The following C10orf143 variants were observed in gnomAD, a reference collection of about 807,000 sequenced individuals.
The protein encoded by C10orf143 is chromosome 10 open reading frame 143, also known as uncharacterized protein C10orf143.
At chr10:130,054,773 CATCT>C (rs1262873361) in intron 3 of C10orf143, among the ~76,000 whole-genome samples, 1 of 152,124 alleles carries the variant, frequency 6.6e-6, no homozygotes, top group Non-Finnish European at 1.5e-5. Context: ...CATATCTTTT[CATCT>C]ATCTGTTAAA....
intron 3 of C10orf143, among the ~76,000 whole-genome samples, chr10:130,075,596 C>CG (rs1212254488): frequency 6.6e-6 from 1 of 152,136 alleles, no homozygotes; most frequent in African/African-American, 2.4e-5. Flanking sequence ...AGAAGCCAAA[C>CG]GGGGGAGCTG....
At chr10:130,101,145 A>AGAGGCAGAGGTTGCAGT (rs1861543010) in intron 1 of C10orf143, 1 of 151,594 alleles carries the variant, frequency 6.6e-6, no homozygotes, top group African/African-American at 2.4e-5. Context: ...CTCGAACCTG[A>AGAGGCAGAGGTTGCAGT]GAGGCAGAGG....
chr10:130,079,608 C>T lies in C10orf143; in HGVS notation c.255G>A (p.Arg85=), dbSNP rs1219328125. 5.0e-6 allele frequency: 2 copies of T among 398,934 alleles called. No homozygotes were observed. Among genetic ancestry groups the T allele is most frequent in the Non-Finnish European group, 8.8e-6 (2 of 226,068 alleles). The allele number at this position is 398,934 out of a possible 1,614,324, so 24.7% of individuals were successfully genotyped here. The change falls in exon 3 of 4, where the codon AGG becomes AGA. Residue 85 remains arginine, a synonymous_variant. Transcript: ENST00000637128. ...LSTGISQNGG[R]SSAQPCPRCI... ...ATCTTGGGCAAGGCTGGGCTGAGCT[C>T]CTTCCACCATTCTGAGAAATCTAGT...
At chr10:130,071,263 TG>T (rs1354348003) in intron 3 of C10orf143, among the ~76,000 whole-genome samples, 12 of 152,326 alleles carry the variant, frequency 7.9e-5, no homozygotes, top group Admixed American at 5.9e-4. Flanking sequence ...TTACCAGAAA[TG>T]CCCACCATAA....
At chr10:130,037,773 C>G (rs958783423) in intron 3 of C10orf143, among the ~76,000 whole-genome samples, 4 of 152,234 alleles carry the variant, frequency 2.6e-5, no homozygotes, top group Non-Finnish European at 4.4e-5. Flanking sequence ...ATGATCCCAG[C>G]TAACCCACTG....
intron 1 of C10orf143, among the ~76,000 whole-genome samples, chr10:130,091,892 G>C (rs12571385): frequency 0.038 from 5,816 of 152,118 alleles, 298 homozygotes; most frequent in East Asian, 0.11. Context: ...AATGAACCAA[G>C]CCTCCAAGAA....
At chr10:130,045,646 C>T (rs189616557) in intron 3 of C10orf143, among the ~76,000 whole-genome samples, 1 of 152,360 alleles carries the variant, frequency 6.6e-6, no homozygotes, top group Non-Finnish European at 1.5e-5. Context: ...ATAAATGCAG[C>T]CAAGGTGTCA....
intron 3 of C10orf143, 131 bp from the exon 4 acceptor site, chr10:130,064,514 C>T: frequency 2.6e-6 from 1 of 386,504 alleles, no homozygotes; most frequent in Non-Finnish European, 4.6e-6. Context: ...TAACTTAATT[C>T]CTGAGGTATC....
chr10:130,060,105 A>G (rs1860838009), downstream of C10orf143, among the ~76,000 whole-genome samples: 2 of 152,242 alleles, frequency 1.3e-5, no homozygotes, highest in African/African-American at 4.8e-5. Flanking sequence ...CTGGAGCTGG[A>G]TAAGAACTGA....
chr10:130,105,687 G>A (rs1361745053), intron 1 of C10orf143, among the ~76,000 whole-genome samples: 1 of 152,124 alleles, frequency 6.6e-6, no homozygotes, highest in Non-Finnish European at 1.5e-5. Flanking sequence ...CCAAGATTAT[G>A]CCACTGCACT....
intron 1 of C10orf143, among the ~76,000 whole-genome samples, chr10:130,101,849 CAAAAAAAAAAAAAACCAAAAA>C (rs1253524037): frequency 4.1e-4 from 11 of 26,938 alleles, no homozygotes; most frequent in African/African-American, 6.1e-4. Flanking sequence ...GACTCTGTCT[CAAAAAAAAAAAAAACCAAAAA>C]AAAAAAAAAA....
At chr10:130,099,864 G>T (rs1488515756) in intron 1 of C10orf143, among the ~76,000 whole-genome samples, 2 of 16,642 alleles carry the variant, frequency 1.2e-4, no homozygotes, top group East Asian at 1.7e-3. Context: ...TTTTAAGATG[G>T]ACTCTCACTG....
rs754928948 is a variant in C10orf143 at position 130,106,640 on chromosome 10, A to C, written c.69+4064T>G. 18 of 1,286,806 alleles carry C rather than the reference A, an allele frequency of 1.4e-5. 1 individual carries two copies. In the South Asian group the frequency reaches 2.1e-4, roughly 15 times the overall value. The allele number at this position is 1,286,806 out of a possible 1,614,324, so 79.7% of individuals were successfully genotyped here. On this transcript the variant is annotated intron_variant, in intron 1 of 3. Coordinates refer to ENST00000637128, the MANE Select transcript of C10orf143 (RefSeq NM_001355042.2). ...CAAAATGATCTTCAAGAGATTTAAAATGACTGAGAAACAACTGAAGATAGC... is the reference window on the plus strand; with the variant it reads ...CAAAATGATCTTCAAGAGATTTAAACTGACTGAGAAACAACTGAAGATAGC...
intron 3 of C10orf143, among the ~76,000 whole-genome samples, chr10:130,076,790 C>T (rs1036775053): frequency 5.9e-5 from 9 of 152,160 alleles, no homozygotes; most frequent in East Asian, 1.9e-4. Context: ...ACGCAAGCCG[C>T]GCGATCCGGG....
intron 1 of C10orf143, chr10:130,104,988 G>C (rs1861617075): frequency 6.6e-6 from 1 of 152,206 alleles, no homozygotes; most frequent in African/African-American, 2.4e-5. Flanking sequence ...GAATGCAGTG[G>C]TGTGATCTCG....
At position 130,103,670 on chromosome 10, in the gene C10orf143, C is replaced by T. The variant is rs147838860; in HGVS notation, c.69+7034G>A. 4.0e-5 allele frequency among the ~76,000 whole-genome samples: 6 copies of T among 151,494 alleles called. No individual in the cohort carries two copies. The East Asian group carries it at 7.8e-4, about 20-fold the overall frequency. The stretch of plus-strand genomic sequence containing the variant: ...AAAAAGTTTTAAAAAATTAGCTGGG[C>T]GTGGTGATGCTTGCCTGTAGTCCCA... On this transcript the variant is annotated intron_variant, in intron 1 of 3. Transcript: ENST00000637128.
chr10:130,068,270 A>G lies in C10orf143; in HGVS notation c.298-3887T>C, dbSNP rs72843887. On this transcript the variant is annotated intron_variant, in intron 3 of 3. Coordinates refer to ENST00000637128, the MANE Select transcript of C10orf143 (RefSeq NM_001355042.2). Reference sequence around the variant, plus strand: ...AACAGAACACAAAGCCCAGACATGAACTTACCAGAGACTTCACCTCAGCCA... The same window carrying G: ...AACAGAACACAAAGCCCAGACATGAGCTTACCAGAGACTTCACCTCAGCCA... The G allele has an allele frequency of 0.15, 23,370 of 152,246 alleles. 2,400 individuals are homozygous for G. The highest frequency in any genetic ancestry group is 0.22 in the Non-Finnish European group (14,859 of 68,044). 9.4% of individuals were successfully genotyped at this position (152,246 alleles called of 1,614,324 possible). A position where few individuals can be genotyped will look rare whatever the true frequency, so the allele number is the denominator to read the frequency against.
chr10:130,036,386 C>T (rs1860545642), intron 3 of C10orf143, among the ~76,000 whole-genome samples: 1 of 152,206 alleles, frequency 6.6e-6, no homozygotes, highest in South Asian at 2.1e-4. Context: ...TGGTAATCAC[C>T]TGTCCAGGCA....
intron 3 of C10orf143, among the ~76,000 whole-genome samples, chr10:130,074,615 G>A (rs1056715766): frequency 9.2e-5 from 14 of 152,304 alleles, no homozygotes; most frequent in African/African-American, 2.6e-4. Flanking sequence ...GCAGGCACCA[G>A]AGGAGGGCAG....
Sources: allele counts gnomAD v4.1 joint callset (sites outside exome capture counted in the v4.1 genomes callset), GRCh38; gene constraint gnomAD v4.1.1; transcripts MANE v1.5; gene names NCBI Gene and HGNC (gene_info 2026-07-23, HGNC 2026-07-21).